JAKMIP3: variants seen among roughly 807,000 people sequenced by gnomAD.
JAKMIP3 encodes Janus kinase and microtubule interacting protein 3, also known as janus kinase and microtubule-interacting protein 3.
In JAKMIP3, 58 loss-of-function variants were observed where a neutral mutation model predicts 118.5. The ratio of observed to expected loss-of-function variants is 0.49; its 90% CI spans 0.40 to 0.61. JAKMIP3 has a LOEUF of 0.61. Among genes scored for constraint, JAKMIP3 ranks in the 20% least tolerant of loss-of-function variants. JAKMIP3 has a pLI of 0.00. For synonymous variants in JAKMIP3, 486 were observed against 451.2 expected, an observed-to-expected ratio of 1.08 and a Z score of -0.98; for missense variants, 950 against 1,109.0, an observed-to-expected ratio of 0.86 and a Z score of 2.04.
At chr10:132,100,766 T>G (rs1248812806) in intron 1 of JAKMIP3, among the ~76,000 whole-genome samples, 2 of 151,858 alleles carry the variant, frequency 1.3e-5, no homozygotes, top group Non-Finnish European at 1.5e-5. Flanking sequence ...AGGCGAGACT[T>G]GAAAGCCCCT....
chr10:132,172,558 T>C (rs2059600044), intron 23 of JAKMIP3, among the ~76,000 whole-genome samples: 3 of 151,982 alleles, frequency 2.0e-5, no homozygotes, highest in Admixed American at 2.0e-4. Flanking sequence ...AGAGAAGACC[T>C]GCCCCTTTTC....
At position 132,117,298 on chromosome 10, in the gene JAKMIP3, G is replaced by A. The variant is rs1435894139; in HGVS notation, c.357G>A (p.Leu119=). Residue 119 remains leucine (L), a synonymous_variant, in exon 3 of 24, where the codon CTG becomes CTA. Coordinates refer to ENST00000684848, the MANE Select transcript of JAKMIP3 (RefSeq NM_001323087.2). This position sits in a 1 kb window ranked among gnomAD's most constrained non-coding sequence, Gnocchi z 8.6. ...ACGAGAACCAGCGGCTGCAGGCACTGCTCAGTGCCCTGCGTGATGGCGGCC... is the reference window on the plus strand; with the variant it reads ...ACGAGAACCAGCGGCTGCAGGCACTACTCAGTGCCCTGCGTGATGGCGGCC... ...KDNENQRLQA[L]LSALRDGGPE... is the part of the protein sequence containing the mutation. The A allele has an allele frequency of 1.9e-6, 3 of 1,613,846 alleles. No individual in the cohort carries two copies. The highest frequency in any genetic ancestry group is 2.5e-6 in the Non-Finnish European group (3 of 1,179,906).
chr10:132,136,462 C>A (rs149118046), intron 6 of JAKMIP3, among the ~76,000 whole-genome samples: 7 of 152,074 alleles, frequency 4.6e-5, no homozygotes, highest in Non-Finnish European at 1.0e-4. Context: ...AAGCAGGAGT[C>A]GGGGGCAGGG....
intron 1 of JAKMIP3, among the ~76,000 whole-genome samples, chr10:132,093,702 C>T (rs529158251): frequency 6.9e-4 from 105 of 152,234 alleles, no homozygotes; most frequent in Non-Finnish European, 1.1e-3. Context: ...GGTGATGCCT[C>T]GCCCTGCTTC....
intron 1 of JAKMIP3, among the ~76,000 whole-genome samples, chr10:132,039,514 G>A (rs1223163560): frequency 1.3e-5 from 2 of 152,140 alleles, no homozygotes; most frequent in Admixed American, 1.3e-4. Flanking sequence ...TCCCTGCAAG[G>A]CTGAGAGGCC....
chr10:132,133,276 T>C, intron 3 of JAKMIP3, 36 bp from the exon 4 acceptor site: 2 of 1,513,660 alleles, frequency 1.3e-6, no homozygotes, highest in Non-Finnish European at 1.8e-6. Flanking sequence ...ATCCGTGTCC[T>C]GCCGCCTGTG....
Position 132,168,972 on chromosome 10 carries a change from G to A in JAKMIP3, c.*1042G>A, listed in dbSNP as rs904361655. 2.5e-5 allele frequency: 4 copies of A among 159,230 alleles called. No homozygotes were observed. The highest frequency in any genetic ancestry group is 1.2e-4 in the Admixed American group (2 of 17,004). 9.9% of individuals were successfully genotyped at this position (159,230 alleles called of 1,614,324 possible). Reference sequence around the variant, plus strand: ...GGCGCAAGAAGGGAACCGCGGGGACGGCCTTTCCCCTCCCGCCCTGTGTGG... The same window carrying A: ...GGCGCAAGAAGGGAACCGCGGGGACAGCCTTTCCCCTCCCGCCCTGTGTGG... On this transcript the variant is annotated 3_prime_UTR_variant, in exon 23 of 24. Transcript: ENST00000684848.
chr10:132,153,311 C>G (rs554881285), intron 17 of JAKMIP3, among the ~76,000 whole-genome samples: 15 of 152,344 alleles, frequency 9.8e-5, no homozygotes, highest in Admixed American at 9.1e-4. Context: ...GTTCTCTGTT[C>G]AACTTACCCT....
chr10:132,103,542 AG>A (rs1239946602), intron 1 of JAKMIP3, among the ~76,000 whole-genome samples: 1 of 151,408 alleles, frequency 6.6e-6, no homozygotes, highest in East Asian at 2.0e-4. Context: ...AGGAACAGCT[AG>A]GGGAGGTGCC....
intron 3 of JAKMIP3, among the ~76,000 whole-genome samples, chr10:132,124,728 C>T (rs185252810): frequency 9.8e-5 from 15 of 152,338 alleles, no homozygotes; most frequent in Admixed American, 5.9e-4. Context: ...CCTGGGTGGC[C>T]GCGTGCATGC....
chr10:132,177,661 G>A (rs1109614), intron 23 of JAKMIP3, among the ~76,000 whole-genome samples: 80,484 of 148,934 alleles, frequency 0.54, 22,754 homozygotes, highest in East Asian at 0.93. Flanking sequence ...GGTAGTGTGC[G>A]TGTGTGTGTC....
intron 1 of JAKMIP3, among the ~76,000 whole-genome samples, chr10:132,079,376 T>G (rs1010430060): frequency 1.3e-5 from 2 of 152,198 alleles, no homozygotes; most frequent in Non-Finnish European, 2.9e-5. Flanking sequence ...CTTGTACTTC[T>G]GGTTGTTAGC....
intron 3 of JAKMIP3, among the ~76,000 whole-genome samples, chr10:132,127,787 G>A (rs1357608900): frequency 6.6e-6 from 1 of 151,866 alleles, no homozygotes; most frequent in Non-Finnish European, 1.5e-5. Context: ...TCAACATTTA[G>A]TGTTATTCCA....
chr10:132,121,226 C>G (rs1000552580), intron 3 of JAKMIP3, among the ~76,000 whole-genome samples: 21 of 152,058 alleles, frequency 1.4e-4, no homozygotes, highest in African/African-American at 5.1e-4. Flanking sequence ...AGTGGCCTCC[C>G]GGGCCTGGCA....
intron 1 of JAKMIP3, among the ~76,000 whole-genome samples, chr10:132,080,503 ATTTTTTTTTTTTTTTTTTTTTT>A (rs201838731): frequency 1.6e-5 from 1 of 61,578 alleles, no homozygotes; most frequent in African/African-American, 7.0e-5. Flanking sequence ...AAGTTATAGG[ATTTTTTTTTTTTTTTTTTTTTT>A]TTTTTTTTTT....
intron 5 of JAKMIP3, 49 bp downstream of exon 5, chr10:132,135,209 G>C: frequency 6.4e-7 from 1 of 1,556,886 alleles, no homozygotes; most frequent in Non-Finnish European, 8.7e-7. Context: ...TGACTGCGGA[G>C]CTGGGGACCT....
chr10:132,043,622 C>T (rs919578548), intron 1 of JAKMIP3, among the ~76,000 whole-genome samples: 3 of 152,210 alleles, frequency 2.0e-5, no homozygotes, highest in East Asian at 1.9e-4. Context: ...ATCCCACAGG[C>T]GCCTGGGCTT....
intron 1 of JAKMIP3, among the ~76,000 whole-genome samples, chr10:132,101,004 A>G (rs898522137): frequency 6.6e-6 from 1 of 152,194 alleles, no homozygotes; most frequent in Non-Finnish European, 1.5e-5. Context: ...TTACCGTATC[A>G]GTTCCCAGAT....
chr10:132,182,154 G>A (rs566614155), intron 23 of JAKMIP3, among the ~76,000 whole-genome samples: 24 of 152,116 alleles, frequency 1.6e-4, no homozygotes, highest in African/African-American at 2.7e-4. Flanking sequence ...TGCCAGGTGC[G>A]TCTCCCGGGC....
Sources: allele counts gnomAD v4.1 joint callset (sites outside exome capture counted in the v4.1 genomes callset), GRCh38; gene constraint gnomAD v4.1.1; non-coding constraint Gnocchi (gnomAD v3.1); transcripts MANE v1.5; gene names NCBI Gene and HGNC (gene_info 2026-07-23, HGNC 2026-07-21).